The following CNTN1 variants were observed in gnomAD, a reference collection of about 807,000 sequenced individuals.
CNTN1 encodes contactin-1.
CNTN1 carries 38 observed loss-of-function variants against 126.4 expected under a neutral mutation model. The observed-to-expected ratio is 0.30, with a 90% CI of 0.23 to 0.39. The LOEUF is 0.39. Ranked by LOEUF, CNTN1 falls within the 10% of genes least tolerant of loss-of-function variation. The pLI is 1.00. For synonymous variants in CNTN1, 413 were observed against 422.6 expected, an observed-to-expected ratio of 0.98 and a Z score of 0.28; for missense variants, 1,009 against 1,248.4, an observed-to-expected ratio of 0.81 and a Z score of 2.89.
chr12:40,810,091 AC>A (rs557070861), intron 1 of CNTN1, among the ~76,000 whole-genome samples: 340 of 152,226 alleles, frequency 2.2e-3, no homozygotes, highest in South Asian at 6.0e-3. Flanking sequence ...TTAGATAAGT[AC>A]CTTTTTAATG....
At chr12:40,777,235 CTA>C (rs1353664940) in intron 1 of CNTN1, among the ~76,000 whole-genome samples, 1 of 147,426 alleles carries the variant, frequency 6.8e-6, no homozygotes, top group Admixed American at 6.8e-5. Context: ...TATCTAATTA[CTA>C]TGTTTTTTTT....
chr12:40,709,049 T>G (rs887413691), intron 1 of CNTN1, among the ~76,000 whole-genome samples: 1 of 152,210 alleles, frequency 6.6e-6, no homozygotes, highest in African/African-American at 2.4e-5. Context: ...TTTTAACTGA[T>G]TTTTTCCCAG....
rs139973869 is a variant in CNTN1 at position 40,739,686 on chromosome 12, G to A, written c.-77+47094G>A. Among the ~76,000 whole-genome samples, 706 of 152,006 alleles carry A rather than the reference G, an allele frequency of 4.6e-3. 2 individuals are homozygous for A. The highest frequency in any genetic ancestry group is 0.016 in the African/African-American group (676 of 41,514). On this transcript the variant is annotated intron_variant, in intron 1 of 23. Transcript: ENST00000551295. ...TTTAAGAAATAATTGAAACAAGTAT[G>A]GTCAAATGCTAGAGTTTGACAGAGG... is the stretch of plus-strand genomic sequence containing the variant.
At chr12:40,698,256 T>A (rs960848485) in intron 1 of CNTN1, among the ~76,000 whole-genome samples, 2 of 79,478 alleles carry the variant, frequency 2.5e-5, no homozygotes, top group Admixed American at 1.6e-4. Flanking sequence ...TTTTTTTTTT[T>A]ACGGAGTCTC....
chr12:40,984,277 C>T (rs766736227), intron 16 of CNTN1, among the ~76,000 whole-genome samples: 6 of 152,038 alleles, frequency 3.9e-5, no homozygotes, highest in Non-Finnish European at 7.4e-5. Context: ...TAATCCTCCT[C>T]ACTTGTTCAT....
chr12:40,995,109 T>G (rs1566107644), intron 17 of CNTN1, among the ~76,000 whole-genome samples: 1 of 152,134 alleles, frequency 6.6e-6, no homozygotes, highest in Non-Finnish European at 1.5e-5. Flanking sequence ...TTTTAGTGCT[T>G]TGGCCCCTTA....
chr12:40,992,972 T>G (rs1948128521), intron 16 of CNTN1, 148 bp from the exon 17 acceptor site: 1 of 684,968 alleles, frequency 1.5e-6, no homozygotes, highest in South Asian at 1.8e-5. Context: ...TCCCTTGAAT[T>G]TAACATTTTG....
chr12:40,815,968 G>A (rs1217058033), intron 1 of CNTN1, among the ~76,000 whole-genome samples: 2 of 152,162 alleles, frequency 1.3e-5, no homozygotes, highest in Non-Finnish European at 2.9e-5. Context: ...ATTTGTGTAT[G>A]TTGAACCAGC....
At chr12:40,947,587 T>C (rs1946475172) in intron 14 of CNTN1, among the ~76,000 whole-genome samples, 1 of 151,918 alleles carries the variant, frequency 6.6e-6, no homozygotes, top group African/African-American at 2.4e-5. Context: ...TATCTCATTT[T>C]ATTCCTCTTT....
intron 12 of CNTN1, 125 bp downstream of exon 12, chr12:40,939,610 C>A: frequency 2.0e-6 from 2 of 1,015,794 alleles, no homozygotes; most frequent in Non-Finnish European, 3.0e-6. Flanking sequence ...CACAGAAGAT[C>A]CTGTAGTTCT....
chr12:40,990,223 G>A (rs988334976), intron 16 of CNTN1, among the ~76,000 whole-genome samples: 1 of 152,106 alleles, frequency 6.6e-6, no homozygotes, highest in Admixed American at 6.6e-5. Flanking sequence ...AGAATAATTG[G>A]GTTTGTTCTA....
intron 16 of CNTN1, among the ~76,000 whole-genome samples, chr12:40,992,353 A>G (rs1480664423): frequency 6.6e-6 from 1 of 152,160 alleles, no homozygotes; most frequent in African/African-American, 2.4e-5. Context: ...ATGATAAGAT[A>G]TTGCGTCATA....
At chr12:40,822,245 C>T (rs1236663159) in intron 1 of CNTN1, among the ~76,000 whole-genome samples, 1 of 146,778 alleles carries the variant, frequency 6.8e-6, no homozygotes, top group Non-Finnish European at 1.5e-5. Context: ...ACCCCCACCT[C>T]CCAGGTTCAA....
chr12:40,908,078 A>T (rs1026043240), intron 1 of CNTN1, among the ~76,000 whole-genome samples: 8 of 152,214 alleles, frequency 5.3e-5, no homozygotes, highest in African/African-American at 1.9e-4. Context: ...ATTGAGTGAC[A>T]CTCATGATTG....
In CNTN1 at chr12:41,037,864, A is replaced by G. The variant is rs115394865; in HGVS notation, c.2980+8645A>G. On this transcript the variant is annotated intron_variant, in intron 23 of 23. Transcript: ENST00000551295. ...AAGGCATTGATGGTATTGTTTTTAA[A>G]TTATGTTTTTAGGCCAGACATGGTG... Among the ~76,000 whole-genome samples the G allele has an allele frequency of 8.5e-3, 1,300 of 152,240 alleles. 18 individuals carry two copies. Among genetic ancestry groups the G allele is most frequent in the African/African-American group, 0.026 (1,085 of 41,560 alleles).
chr12:41,054,657 G>A (rs1592469412), intron 23 of CNTN1, among the ~76,000 whole-genome samples: 2 of 151,924 alleles, frequency 1.3e-5, no homozygotes, highest in Admixed American at 6.6e-5. Context: ...CACAAATAAG[G>A]TACTTCACAT....
intron 4 of CNTN1, among the ~76,000 whole-genome samples, chr12:40,921,650 T>C (rs1945445713): frequency 6.6e-6 from 1 of 152,192 alleles, no homozygotes. Flanking sequence ...AAGTGACCAC[T>C]AACTCTAGGC....
chr12:40,730,581 G>A (rs1467060895), intron 1 of CNTN1, among the ~76,000 whole-genome samples: 1 of 152,112 alleles, frequency 6.6e-6, no homozygotes, highest in Non-Finnish European at 1.5e-5. Flanking sequence ...CCTTTTGACA[G>A]TTGTCCAAAT....
intron 23 of CNTN1, among the ~76,000 whole-genome samples, chr12:41,039,585 C>T (rs1392686696): frequency 6.6e-6 from 1 of 152,132 alleles, no homozygotes; most frequent in African/African-American, 2.4e-5. Context: ...GCCTATGAGA[C>T]ATCCCAGTGG....
Sources: allele counts gnomAD v4.1 joint callset (sites outside exome capture counted in the v4.1 genomes callset), GRCh38; gene constraint gnomAD v4.1.1; transcripts MANE v1.5; gene names NCBI Gene and HGNC (gene_info 2026-07-23, HGNC 2026-07-21).